The following TM2D3 variants were observed in gnomAD, a reference collection of about 807,000 sequenced individuals.
TM2D3 encodes the protein TM2 domain-containing protein 3.
In TM2D3, 33 loss-of-function variants were observed where a neutral mutation model predicts 27.3. That is an observed-to-expected ratio of 1.21 (90% confidence interval 0.92 to 1.61). The LOEUF (loss-of-function observed/expected upper bound fraction) is 1.61. Among genes scored for constraint, TM2D3 ranks in the 40% most tolerant of loss-of-function variants. TM2D3 has a pLI of 0.00. For missense variants in TM2D3, 364 were observed against 320.8 expected (o/e 1.13, Z -1.03); for synonymous variants, 138 against 122.2 (o/e 1.13, Z -0.85).
chr15:101,633,888 G>T, intron 4 of TM2D3: 2 of 529,400 alleles, frequency 3.8e-6, no homozygotes, highest in Non-Finnish European at 6.3e-6. Context: ...GCGTTGAGAA[G>T]ACTCAGACAT....
At chr15:101,646,513 A>AT in intron 4 of TM2D3, 1 of 559,134 alleles carries the variant, frequency 1.8e-6, no homozygotes, top group Non-Finnish European at 3.2e-6. Flanking sequence ...TGTTTTTCTT[A>AT]TTTTATCAAA....
At chr15:101,633,889 A>G (rs1473423460) in intron 4 of TM2D3, 1 of 526,218 alleles carries the variant, frequency 1.9e-6, no homozygotes, top group Admixed American at 3.6e-5. Flanking sequence ...CGTTGAGAAG[A>G]CTCAGACATT....
chr15:101,636,547 T>A (rs1896554174), intron 4 of TM2D3: 1 of 154,288 alleles, frequency 6.5e-6, no homozygotes, highest in African/African-American at 2.4e-5. Flanking sequence ...CTTGTAATAG[T>A]TCTTATCATA....
chr15:101,642,998 C>A (rs1896707556), intron 5 of TM2D3, among the ~76,000 whole-genome samples: 1 of 152,104 alleles, frequency 6.6e-6, no homozygotes, highest in Admixed American at 6.5e-5. Flanking sequence ...AGCTCACCAC[C>A]ACCTGGACGA....
intron 2 of TM2D3, 30 bp downstream of exon 2, chr15:101,651,666 G>A (rs672314): frequency 0.72 from 1,148,025 of 1,599,770 alleles, 420,292 homozygotes; most frequent in African/African-American, 0.76. Flanking sequence ...ATAACTACAT[G>A]TATTTACTAG....
chr15:101,640,456 G>A (rs1246410122), downstream of TM2D3, among the ~76,000 whole-genome samples: 1 of 152,202 alleles, frequency 6.6e-6, no homozygotes. Context: ...CTGTTGTTAA[G>A]CCACGCCGTT....
chr15:101,649,857 T>C, intron 3 of TM2D3, 147 bp downstream of exon 3: 1 of 775,774 alleles, frequency 1.3e-6, no homozygotes, highest in East Asian at 2.7e-5. Flanking sequence ...GGTTTTTTAA[T>C]TTATTTCTGC....
chr15:101,636,595 C>G (rs1055980758), intron 4 of TM2D3: 1 of 168,262 alleles, frequency 5.9e-6, no homozygotes. Flanking sequence ...CAGGGCCTCC[C>G]GGATTCATTT....
chr15:101,650,433 T>C (rs545296519), intron 2 of TM2D3: 5 of 291,010 alleles, frequency 1.7e-5, no homozygotes, highest in South Asian at 2.6e-4. Flanking sequence ...ATACAAATAA[T>C]GTATAGAAAA....
At chr15:101,648,165 G>A (rs1391468076) in intron 3 of TM2D3, 2 of 152,170 alleles carry the variant, frequency 1.3e-5, no homozygotes, top group African/African-American at 4.8e-5. Flanking sequence ...CCAAAGTGCT[G>A]GGATTACAGG....
intron 1 of TM2D3, 27 bp from the exon 2 acceptor site, chr15:101,651,800 GA>G: frequency 6.2e-7 from 1 of 1,612,080 alleles, no homozygotes; most frequent in Non-Finnish European, 8.5e-7. Flanking sequence ...TACAATTAGA[GA>G]AACACGTTAT....
At chr15:101,643,782 C>G (rs116091720) in intron 5 of TM2D3, among the ~76,000 whole-genome samples, 6,609 of 151,864 alleles carry the variant, frequency 0.044, 446 homozygotes, top group African/African-American at 0.14. Context: ...TAAAATTATT[C>G]CAAGTTTCAA....
chr15:101,636,288 T>C (rs1446207771), intron 4 of TM2D3: 1 of 152,208 alleles, frequency 6.6e-6, no homozygotes, highest in Admixed American at 6.5e-5. Flanking sequence ...CCAAAGGAGT[T>C]TATCTGGGAT....
downstream of TM2D3, among the ~76,000 whole-genome samples, chr15:101,641,552 C>A (rs1896669102): frequency 6.6e-6 from 1 of 152,156 alleles, no homozygotes; most frequent in South Asian, 2.1e-4. Flanking sequence ...GTTTAAAAAG[C>A]AGTAACTCAG....
chr15:101,646,997 T>TACAA, intron 3 of TM2D3, 98 bp from the exon 4 acceptor site: 2 of 1,360,280 alleles, frequency 1.5e-6, no homozygotes, highest in South Asian at 1.3e-5. Flanking sequence ...ATTCCGTAAA[T>TACAA]GCTTGTATTT....
At chr15:101,646,112 T>C (rs1379596584) in intron 4 of TM2D3, 1 of 152,330 alleles carries the variant, frequency 6.6e-6, no homozygotes, top group Non-Finnish European at 1.5e-5. Context: ...TAACCAAATA[T>C]ATTGGAGAAT....
At chr15:101,644,807 G>A (rs975005538) in intron 5 of TM2D3, among the ~76,000 whole-genome samples, 2 of 152,060 alleles carry the variant, frequency 1.3e-5, no homozygotes, top group South Asian at 4.1e-4. Context: ...TCATAAAACT[G>A]CCTATTTTGG....
chr15:101,646,200 A>C (rs1254786102), intron 4 of TM2D3: 2 of 154,182 alleles, frequency 1.3e-5, no homozygotes, highest in South Asian at 1.9e-4. Context: ...TGAATCCTAG[A>C]GCCACAATGT....
At chr15:101,636,147 TTTTG>T (rs1407681944) in intron 4 of TM2D3, 4 of 152,212 alleles carry the variant, frequency 2.6e-5, no homozygotes, top group Non-Finnish European at 5.9e-5. Context: ...ATGAACTACA[TTTTG>T]TTTATGTATT....
Sources: allele counts gnomAD v4.1 joint callset (sites outside exome capture counted in the v4.1 genomes callset), GRCh38; gene constraint gnomAD v4.1.1; transcripts MANE v1.5; gene names NCBI Gene and HGNC (gene_info 2026-07-23, HGNC 2026-07-21).